RBM47: variants seen among roughly 807,000 people sequenced by gnomAD.
The protein encoded by RBM47 is RNA-binding protein 47.
Under a neutral mutation model 47.1 loss-of-function variants are expected in RBM47, and 21 were observed. The ratio of observed to expected loss-of-function variants is 0.45; its 90% CI spans 0.32 to 0.64. RBM47 has a LOEUF of 0.64. RBM47 is among the 30% of genes least tolerant of loss of function. The pLI is 0.05. For missense variants in RBM47, 708 were observed against 870.9 expected, an observed-to-expected ratio of 0.81 and a Z score of 2.35; for synonymous variants, 375 against 361.7, an observed-to-expected ratio of 1.04 and a Z score of -0.42.
At chr4:40,516,175 C>T (rs1725548047) in intron 2 of RBM47, among the ~76,000 whole-genome samples, 1 of 152,010 alleles carries the variant, frequency 6.6e-6, no homozygotes, top group African/African-American at 2.4e-5. Flanking sequence ...TTTTCCCTCT[C>T]TTCCTCTCTC....
chr4:40,499,566 C>T (rs567785886), intron 2 of RBM47, among the ~76,000 whole-genome samples: 1 of 152,144 alleles, frequency 6.6e-6, no homozygotes, highest in African/African-American at 2.4e-5. Context: ...CACACTACCA[C>T]GTCCAGCTAA....
intron 1 of RBM47, among the ~76,000 whole-genome samples, chr4:40,554,372 C>T (rs1305057074): frequency 2.1e-5 from 3 of 139,664 alleles, no homozygotes; most frequent in Non-Finnish European, 4.6e-5. Context: ...TGGAAAATAC[C>T]TAGGAAAAAA....
chr4:40,524,292 C>T (rs1159089199), intron 2 of RBM47, among the ~76,000 whole-genome samples: 2 of 152,114 alleles, frequency 1.3e-5, no homozygotes, highest in Admixed American at 6.6e-5. Flanking sequence ...GAAACGGAAA[C>T]CCAAAGAAGT....
At chr4:40,459,075 C>G (rs1716711602) in intron 3 of RBM47, among the ~76,000 whole-genome samples, 1 of 152,120 alleles carries the variant, frequency 6.6e-6, no homozygotes, top group South Asian at 2.1e-4. Flanking sequence ...GTAAAATTCG[C>G]CTTCTATTAT....
Position 40,437,796 on chromosome 4 carries a change from C to T in RBM47, c.1098G>A (p.Gly366=), listed in dbSNP as rs1577625348. The change falls in exon 4 of 7, where the codon GGG becomes GGA. Residue 366 remains glycine, a synonymous_variant. Transcript: ENST00000295971. ...CTTTCACAAAGTAGTCCCTGTTGGG[C>T]CCAATGAGCGCGTTGTAGGGGTAGC... The part of the protein sequence containing the change: ...YYGYPYNALI[G]PNRDYFVKAG... The T allele has an allele frequency of 6.2e-7, 1 of 1,607,724 alleles. No homozygotes were observed. The highest frequency in any genetic ancestry group is 2.2e-5 in the East Asian group (1 of 44,654).
chr4:40,481,117 C>G (rs1276350610), intron 2 of RBM47, among the ~76,000 whole-genome samples: 1 of 152,008 alleles, frequency 6.6e-6, no homozygotes, highest in South Asian at 2.1e-4. Context: ...TAATAATTTC[C>G]TCAAAATTGC....
At chr4:40,515,907 G>A (rs2154254776) in intron 2 of RBM47, 1 of 152,352 alleles carries the variant, frequency 6.6e-6, no homozygotes, top group East Asian at 1.9e-4. Context: ...ATGTCCTCCT[G>A]TTGCAGAAGC....
At chr4:40,429,399 G>A (rs550391650) in intron 6 of RBM47, among the ~76,000 whole-genome samples, 5 of 151,974 alleles carry the variant, frequency 3.3e-5, no homozygotes, top group Admixed American at 2.0e-4. Context: ...AAAAAAATTC[G>A]TTCATAGTAT....
At chr4:40,610,805 A>G (rs1736198839) in intron 1 of RBM47, among the ~76,000 whole-genome samples, 1 of 152,018 alleles carries the variant, frequency 6.6e-6, no homozygotes, top group Non-Finnish European at 1.5e-5. Flanking sequence ...GTGATAGTGA[A>G]TAAGTGTCAC....
chr4:40,601,890 C>T (rs933194694), intron 1 of RBM47, among the ~76,000 whole-genome samples: 2 of 152,156 alleles, frequency 1.3e-5, no homozygotes, highest in Non-Finnish European at 2.9e-5. Flanking sequence ...CTCTCTGGGT[C>T]GGGCGTGGTG....
chr4:40,497,902 G>A (rs916472440), intron 2 of RBM47, among the ~76,000 whole-genome samples: 1 of 150,938 alleles, frequency 6.6e-6, no homozygotes, highest in Non-Finnish European at 1.5e-5. Context: ...AGGATCACTT[G>A]AGCCTGGGAG....
chr4:40,579,421 C>CGGAAA (rs1732662678), intron 1 of RBM47, among the ~76,000 whole-genome samples: 1 of 8,210 alleles, frequency 1.2e-4, no homozygotes, highest in Non-Finnish European at 2.5e-4. Flanking sequence ...GACCCTGTCT[C>CGGAAA]AGAAAAAAAA....
intron 2 of RBM47, among the ~76,000 whole-genome samples, chr4:40,495,751 T>C (rs1722480835): frequency 1.3e-5 from 2 of 152,138 alleles, no homozygotes; most frequent in Admixed American, 6.5e-5. Flanking sequence ...AGACTGAAAA[T>C]TGACAAAGCA....
chr4:40,550,353 T>C (rs1368013289), intron 1 of RBM47, among the ~76,000 whole-genome samples: 2 of 152,122 alleles, frequency 1.3e-5, no homozygotes, highest in Non-Finnish European at 2.9e-5. Context: ...ACATCTTGAT[T>C]GGGGTAGTGG....
intron 1 of RBM47, among the ~76,000 whole-genome samples, chr4:40,605,354 G>A (rs1018888539): frequency 5.9e-5 from 9 of 152,126 alleles, no homozygotes; most frequent in African/African-American, 2.2e-4. Flanking sequence ...AAGTGCATGA[G>A]CCAGCTCTGG....
intron 2 of RBM47, among the ~76,000 whole-genome samples, chr4:40,486,036 T>A (rs1462118358): frequency 7.2e-6 from 1 of 139,738 alleles, no homozygotes; most frequent in Non-Finnish European, 1.5e-5. Flanking sequence ...GACCACTGCA[T>A]TCTAGCTTGG....
In RBM47 at chr4:40,498,054, T is replaced by TATATATATATATATATATATATATA. The variant is rs1553890650; in HGVS notation, c.-154-31356_-154-31355insTATATATATATATATATATATATAT. On this transcript the variant is annotated intron_variant, in intron 2 of 6. Transcript: ENST00000295971. ...TGCAAATAAAATGTAAGTGCTTGTT[T>TATATATATATATATATATATATATA]TATATATATATATATATATATATAT... Among the ~76,000 whole-genome samples, 73 of 109,778 alleles carry TATATATATATATATATATATATATA rather than the reference T, an allele frequency of 6.6e-4. 1 individual carries two copies. The highest frequency in any genetic ancestry group is 1.5e-3 in the African/African-American group (46 of 31,630). The allele number at this position is 109,778 out of a possible 152,430, so 72.0% of individuals were successfully genotyped here.
chr4:40,571,579 A>G (rs576771485), intron 1 of RBM47, among the ~76,000 whole-genome samples: 1 of 152,212 alleles, frequency 6.6e-6, no homozygotes, highest in Non-Finnish European at 1.5e-5. Context: ...AAAAATCACA[A>G]TAAAAGATTG....
At chr4:40,585,677 C>G (rs2154273137) in intron 1 of RBM47, among the ~76,000 whole-genome samples, 1 of 152,294 alleles carries the variant, frequency 6.6e-6, no homozygotes, top group South Asian at 2.1e-4. Context: ...CAAGCAGTCC[C>G]ACATGACAAA....
Sources: allele counts gnomAD v4.1 joint callset (sites outside exome capture counted in the v4.1 genomes callset), GRCh38; gene constraint gnomAD v4.1.1; transcripts MANE v1.5; gene names NCBI Gene and HGNC (gene_info 2026-07-23, HGNC 2026-07-21).